SLC30A9: variants seen among roughly 807,000 people sequenced by gnomAD.
SLC30A9 encodes solute carrier family 30 member 9.
A neutral mutation model predicts 87.5 loss-of-function variants in SLC30A9; 58 were observed. That is an observed-to-expected ratio of 0.66 (90% CI 0.54 to 0.82). SLC30A9 has a LOEUF of 0.82. SLC30A9 is among the 40% of genes least tolerant of loss of function. The pLI is 0.00. For missense variants in SLC30A9, 557 were observed against 679.1 expected (o/e 0.82, Z 2.00); for synonymous variants, 234 against 233.0 (o/e 1.00, Z -0.04).
At chr4:42,058,956 G>A (rs1467081144) in intron 9 of SLC30A9, among the ~76,000 whole-genome samples, 2 of 152,126 alleles carry the variant, frequency 1.3e-5, no homozygotes, top group Non-Finnish European at 2.9e-5. Flanking sequence ...GAAAAATCAT[G>A]TATATTTTAG....
chr4:42,057,980 T>C (rs1339557092), intron 9 of SLC30A9, among the ~76,000 whole-genome samples: 2 of 151,716 alleles, frequency 1.3e-5, no homozygotes, highest in Admixed American at 6.6e-5. Context: ...CACTTGCCTG[T>C]AGTCCCAGCT....
At chr4:42,027,100 C>T (rs1008556257) in intron 6 of SLC30A9, among the ~76,000 whole-genome samples, 3 of 152,124 alleles carry the variant, frequency 2.0e-5, no homozygotes, top group Non-Finnish European at 2.9e-5. Flanking sequence ...CCAGAGTTGG[C>T]TAACTATGGC....
In SLC30A9 at chr4:42,087,053, GAGCTGTGGGATATTTCTTGCTTTAAGAGA is replaced by G. The variant is rs1260497663; in HGVS notation, c.*928_*956del. On this transcript the variant is annotated 3_prime_UTR_variant, in exon 18 of 18. Coordinates refer to ENST00000264451, the MANE Select transcript of SLC30A9 (RefSeq NM_006345.4). ...AAGGCGGCACTACTTATGTAAATCT[GAGCTGTGGGATATTTCTTGCTTTAAGAGA>G]GAGACAGAATCTCTCACTGAAACTC... 2 of 152,138 alleles carry G rather than the reference GAGCTGTGGGATATTTCTTGCTTTAAGAGA, an allele frequency of 1.3e-5. No homozygotes were observed. The highest frequency in any genetic ancestry group is 6.5e-5 in the Admixed American group (1 of 15,278). The allele number at this position is 152,138 out of a possible 1,614,324, so 9.4% of individuals were successfully genotyped here. A position where few individuals can be genotyped will look rare whatever the true frequency, so the allele number is the denominator to read the frequency against.
chr4:41,994,818 A>G (rs1714622009), intron 1 of SLC30A9, among the ~76,000 whole-genome samples: 1 of 106,374 alleles, frequency 9.4e-6, no homozygotes, highest in African/African-American at 3.1e-5. Context: ...AACCCGTCAG[A>G]TGTGGTCTCA....
intron 11 of SLC30A9, 150 bp from the exon 12 acceptor site, chr4:42,065,160 C>G (rs1718030207): frequency 8.2e-6 from 5 of 613,308 alleles, no homozygotes; most frequent in South Asian, 3.4e-5. Context: ...TCTCATTGTC[C>G]TCCTCATTTG....
chr4:42,039,673 G>A (rs1310960825), intron 8 of SLC30A9, among the ~76,000 whole-genome samples: 3 of 151,960 alleles, frequency 2.0e-5, no homozygotes, highest in African/African-American at 7.2e-5. Context: ...ACGTTGGCCA[G>A]GATGGTCTCA....
intron 9 of SLC30A9, among the ~76,000 whole-genome samples, chr4:42,057,542 A>C (rs1717671923): frequency 6.6e-6 from 1 of 152,182 alleles, no homozygotes; most frequent in African/African-American, 2.4e-5. Context: ...CCCAGACTGC[A>C]CACAGCAGAG....
rs1718449434 is a variant in SLC30A9, at chr4:42,074,648, T to A, written c.1419-1009T>A. Among the ~76,000 whole-genome samples the A allele has an allele frequency of 5.9e-5, 9 of 152,176 alleles. 1 individual carries two copies. Among genetic ancestry groups the A allele is most frequent in the Admixed American group, 5.9e-4 (9 of 15,274 alleles). On this transcript the variant is annotated intron_variant, in intron 15 of 17. Coordinates refer to ENST00000264451, the MANE Select transcript of SLC30A9 (RefSeq NM_006345.4). ...TAAATTACCTTGAGCAAGTCACTTATGCCACTCTAGGATGGTTTTATCATG... is the reference window on the plus strand; with the variant it reads ...TAAATTACCTTGAGCAAGTCACTTAAGCCACTCTAGGATGGTTTTATCATG...
intron 8 of SLC30A9, among the ~76,000 whole-genome samples, chr4:42,044,523 A>G (rs1215680916): frequency 6.6e-6 from 1 of 152,216 alleles, no homozygotes; most frequent in African/African-American, 2.4e-5. Context: ...TAACTGTCCT[A>G]AATATATATG....
At chr4:42,075,039 A>T (rs1718470395) in intron 15 of SLC30A9, among the ~76,000 whole-genome samples, 1 of 10,166 alleles carries the variant, frequency 9.8e-5, no homozygotes, top group Non-Finnish European at 2.1e-4. Context: ...ATATATATAT[A>T]TATATATATA....
intron 9 of SLC30A9, among the ~76,000 whole-genome samples, chr4:42,051,773 C>G (rs1488821427): frequency 6.6e-6 from 1 of 152,010 alleles, no homozygotes; most frequent in Non-Finnish European, 1.5e-5. Context: ...CAAGAGTATT[C>G]TGTCAAGCAT....
intron 2 of SLC30A9, among the ~76,000 whole-genome samples, chr4:42,015,581 C>A (rs546751094): frequency 1.3e-5 from 2 of 152,116 alleles, no homozygotes; most frequent in Non-Finnish European, 2.9e-5. Context: ...CCCCTACTAC[C>A]CCATCTGCTC....
chr4:42,080,662 T>C (rs1718714875), intron 17 of SLC30A9, among the ~76,000 whole-genome samples: 1 of 152,178 alleles, frequency 6.6e-6, no homozygotes, highest in South Asian at 2.1e-4. Flanking sequence ...TATCACATTC[T>C]AAAGTTAATG....
At chr4:42,061,533 T>C (rs1318677478) in intron 10 of SLC30A9, among the ~76,000 whole-genome samples, 2 of 152,248 alleles carry the variant, frequency 1.3e-5, no homozygotes, top group African/African-American at 4.8e-5. Flanking sequence ...TTGTCACATC[T>C]ATAAACTGGG....
intron 17 of SLC30A9, among the ~76,000 whole-genome samples, chr4:42,082,204 G>C (rs891462006): frequency 1.4e-5 from 2 of 147,698 alleles, no homozygotes; most frequent in Non-Finnish European, 3.0e-5. Context: ...GTGACAAACC[G>C]AGACTCCGTC....
chr4:42,007,311 A>G (rs1189437112), intron 2 of SLC30A9, among the ~76,000 whole-genome samples: 1 of 152,200 alleles, frequency 6.6e-6, no homozygotes, highest in African/African-American at 2.4e-5. Flanking sequence ...TAGGAGTACC[A>G]GAGCTGGAGT....
intron 8 of SLC30A9, among the ~76,000 whole-genome samples, chr4:42,047,999 T>C (rs913650410): frequency 1.3e-5 from 2 of 152,078 alleles, no homozygotes; most frequent in African/African-American, 4.8e-5. Flanking sequence ...ACACCACATG[T>C]TCTCACTCAT....
At chr4:42,006,554 G>T (rs901844193) in intron 2 of SLC30A9, among the ~76,000 whole-genome samples, 1 of 152,082 alleles carries the variant, frequency 6.6e-6, no homozygotes, top group Non-Finnish European at 1.5e-5. Context: ...GGGCATAGTG[G>T]TGTGCACCTA....
rs2153140230 is a variant in SLC30A9 at position 42,066,581 on chromosome 4, T to C, written c.1104T>C (p.Arg368=). The C allele has an allele frequency of 6.2e-7, 1 of 1,606,508 alleles. No homozygotes were observed. Among genetic ancestry groups the C allele is most frequent in the Non-Finnish European group, 8.5e-7 (1 of 1,175,464 alleles). ...ATLLVAVNEL[R]RNARAKGMSF... ...TTCTTGTTGCTGTAAATGAACTTCG[T>C]AGGAATGCTCGGGCTAAAGGAATGT... The change falls in exon 13 of 18, where the codon CGT becomes CGC. Residue 368 remains arginine (R), a synonymous_variant. Transcript: ENST00000264451.
Sources: gnomAD v4.1 joint callset for allele counts (sites outside exome capture counted in the v4.1 genomes callset) on GRCh38, gnomAD v4.1.1 for gene constraint, MANE v1.5 for transcripts, NCBI Gene and HGNC (gene_info 2026-07-23, HGNC 2026-07-21) for gene names.